Variants in ZFHX3 observed in about 807,000 individuals in gnomAD.
ZFHX3 encodes zinc finger homeobox 3, also known as zinc finger homeobox protein 3.
A neutral mutation model predicts 279.1 loss-of-function variants in ZFHX3; 42 were observed. The observed-to-expected ratio is 0.15, with a 90% CI of 0.12 to 0.19. The LOEUF (loss-of-function observed/expected upper bound fraction) is 0.19, where lower values mean the gene tolerates loss of function less well. Ranked by LOEUF, ZFHX3 falls within the 10% of genes least tolerant of loss-of-function variation. The probability of loss-of-function intolerance (pLI) is 1.00; values close to 1 mark genes in which losing one functional copy is unlikely to be tolerated. For missense variants in ZFHX3, 4,981 were observed against 4,754.0 expected (o/e 1.05, Z -1.40); for synonymous variants, 2,293 against 1,957.8 (o/e 1.17, Z -4.52).
Position 72,797,906 on chromosome 16 carries a change from G to A in ZFHX3, c.4776C>T (p.Asp1592=). The stretch of plus-strand genomic sequence containing the variant: ...AAGTGTTACACTTAAAAGGTTTGTT[G>A]TCTGGGCTGCTGGTGGGTTCTGGCT... The part of the protein sequence containing the change: ...TGQPEPTSSP[D]NKPFKCNTCN... Residue 1592 remains aspartate, a synonymous_variant, in exon 9 of 10, where the codon GAC becomes GAT. Coordinates refer to ENST00000268489, the MANE Select transcript of ZFHX3 (RefSeq NM_006885.4). The A allele has an allele frequency of 6.2e-7, 1 of 1,614,212 alleles. No individual in the cohort carries two copies. The highest frequency in any genetic ancestry group is 8.5e-7 in the Non-Finnish European group (1 of 1,180,038).
intron 2 of ZFHX3, among the ~76,000 whole-genome samples, chr16:73,673,580 T>C (rs557915620): frequency 1.9e-5 from 2 of 104,308 alleles, no homozygotes; most frequent in South Asian, 3.7e-4. Context: ...CAAGAACTAT[T>C]TCATGAGAAA....
intron 5 of ZFHX3, among the ~76,000 whole-genome samples, chr16:72,819,946 G>C (rs1338122497): frequency 6.6e-6 from 1 of 152,222 alleles, no homozygotes; most frequent in Non-Finnish European, 1.5e-5. Flanking sequence ...TGTGAAAAGA[G>C]GGCAAATACC....
At chr16:73,542,719 T>G (rs1469508944) in intron 2 of ZFHX3, among the ~76,000 whole-genome samples, 1 of 152,182 alleles carries the variant, frequency 6.6e-6, no homozygotes, top group Non-Finnish European at 1.5e-5. Flanking sequence ...AGATAAACAA[T>G]GCACAATTTT....
intron 3 of ZFHX3, among the ~76,000 whole-genome samples, chr16:73,342,550 G>A (rs1251224491): frequency 6.6e-6 from 1 of 152,100 alleles, no homozygotes; most frequent in Non-Finnish European, 1.5e-5. Context: ...ATGTGTTGAG[G>A]GAAGAAAACG....
intron 2 of ZFHX3, among the ~76,000 whole-genome samples, chr16:73,525,045 AG>A (rs1278200053): frequency 6.6e-6 from 1 of 152,210 alleles, no homozygotes; most frequent in African/African-American, 2.4e-5. Context: ...TAAAGACACA[AG>A]GAAAAAAAAT....
intron 4 of ZFHX3, among the ~76,000 whole-genome samples, chr16:73,286,611 G>A (rs935370743): frequency 6.6e-6 from 1 of 151,620 alleles, no homozygotes; most frequent in Admixed American, 6.6e-5. Context: ...CTGCGTAGCT[G>A]TGTGGGTGTG....
chr16:73,756,731 C>T (rs917257959), intron 1 of ZFHX3, among the ~76,000 whole-genome samples: 3 of 150,880 alleles, frequency 2.0e-5, no homozygotes, highest in Admixed American at 6.6e-5. Flanking sequence ...GCCCCACCCC[C>T]GCTCCTAACA....
intron 1 of ZFHX3, among the ~76,000 whole-genome samples, chr16:73,014,787 C>T (rs1005416773): frequency 1.3e-5 from 2 of 152,020 alleles, no homozygotes. Context: ...GCTGGGATTA[C>T]AGGCATGAGC....
chr16:73,101,982 CA>C (rs1473038622), intron 7 of ZFHX3, among the ~76,000 whole-genome samples: 2 of 148,320 alleles, frequency 1.3e-5, no homozygotes, highest in African/African-American at 5.0e-5. Context: ...GGCGCCATCT[CA>C]GCTCACTGCA....
At position 73,542,069 on chromosome 16, in the gene ZFHX3, G is replaced by C. The variant is rs2020025275; in HGVS notation, c.-1546-85811C>G. Among the ~76,000 whole-genome samples, 3 of 152,000 alleles carry C rather than the reference G, an allele frequency of 2.0e-5. 1 individual carries two copies. Among genetic ancestry groups the C allele is most frequent in the South Asian group, 4.2e-4 (2 of 4,808 alleles). ...CCCACCTCGGCCTCCCAAAATGCTTGGATTACAGGCTCGAGCAACCGCGCC... is the reference window on the plus strand; with the variant it reads ...CCCACCTCGGCCTCCCAAAATGCTTCGATTACAGGCTCGAGCAACCGCGCC... On this transcript the variant is annotated intron_variant, in intron 2 of 17. Transcript: ENST00000641206.
chr16:73,764,329 T>C lies in ZFHX3; in HGVS notation c.-1607-84089A>G, dbSNP rs1320345068. On this transcript the variant is annotated intron_variant, in intron 1 of 17. Transcript: ENST00000641206. Reference sequence around the variant, plus strand: ...CTGTGATTCAATCTCTGGCTCCCTATGAGAAATCTTTTTTATATAAAATTA... The same window carrying C: ...CTGTGATTCAATCTCTGGCTCCCTACGAGAAATCTTTTTTATATAAAATTA... Among the ~76,000 whole-genome samples, 3 of 152,248 alleles carry C rather than the reference T, an allele frequency of 2.0e-5. No individual in the cohort carries two copies. In the East Asian group the frequency reaches 5.8e-4, roughly 29 times the overall value.
intron 3 of ZFHX3, among the ~76,000 whole-genome samples, chr16:72,928,835 G>T (rs1477914383): frequency 1.3e-5 from 2 of 152,042 alleles, no homozygotes; most frequent in Non-Finnish European, 2.9e-5. Context: ...GGTGGTATGT[G>T]CCTGTAGTCC....
At chr16:73,618,674 T>G (rs1014944724) in intron 2 of ZFHX3, among the ~76,000 whole-genome samples, 2 of 152,186 alleles carry the variant, frequency 1.3e-5, no homozygotes, top group African/African-American at 4.8e-5. Flanking sequence ...AAGTCTCCTG[T>G]TGATGGAAAC....
chr16:73,347,100 C>T (rs1425163345), intron 3 of ZFHX3, among the ~76,000 whole-genome samples: 1 of 152,162 alleles, frequency 6.6e-6, no homozygotes, highest in Non-Finnish European at 1.5e-5. Context: ...ATGCCAGAGC[C>T]ATATAGAAGA....
At chr16:72,813,622 T>C (rs1044974990) in intron 5 of ZFHX3, among the ~76,000 whole-genome samples, 2 of 152,212 alleles carry the variant, frequency 1.3e-5, no homozygotes, top group Non-Finnish European at 2.9e-5. Flanking sequence ...ACGAGCATAT[T>C]ACACACAGAT....
At chr16:73,508,712 A>ATGAGC (rs938819905) in intron 2 of ZFHX3, among the ~76,000 whole-genome samples, 1 of 152,228 alleles carries the variant, frequency 6.6e-6, no homozygotes, top group African/African-American at 2.4e-5. Flanking sequence ...CACTGGAAAT[A>ATGAGC]TGAGCAGATG....
At chr16:73,853,155 T>C (rs1329745880) in intron 1 of ZFHX3, among the ~76,000 whole-genome samples, 1 of 152,232 alleles carries the variant, frequency 6.6e-6, no homozygotes, top group Non-Finnish European at 1.5e-5. Context: ...AAAATGGTTA[T>C]TGTTAAAAAC....
intron 1 of ZFHX3, among the ~76,000 whole-genome samples, chr16:72,987,749 G>A (rs570990932): frequency 1.3e-5 from 2 of 152,300 alleles, no homozygotes; most frequent in East Asian, 3.9e-4. Context: ...GGATGCACCA[G>A]GGATTCCTTT....
chr16:73,858,944 T>G (rs529979956), intron 1 of ZFHX3, among the ~76,000 whole-genome samples: 1 of 152,346 alleles, frequency 6.6e-6, no homozygotes, highest in South Asian at 2.1e-4. Context: ...TTTTTAGCTG[T>G]CATCTATTTG....
Sources: gnomAD v4.1 joint callset for allele counts (sites outside exome capture counted in the v4.1 genomes callset) on GRCh38, gnomAD v4.1.1 for gene constraint, MANE v1.5 for transcripts, NCBI Gene and HGNC (gene_info 2026-07-23, HGNC 2026-07-21) for gene names.